Variants in LUC7L observed in about 807,000 individuals in gnomAD.
The protein encoded by LUC7L is LUC7 like.
Under a neutral mutation model 51.1 loss-of-function variants are expected in LUC7L, and 29 were observed. The observed-to-expected ratio is 0.57, with a 90% CI of 0.42 to 0.77. The LOEUF (loss-of-function observed/expected upper bound fraction) is 0.77. LUC7L is among the 30% of genes least tolerant of loss of function. The pLI is 0.00. For synonymous variants in LUC7L, 181 were observed against 180.7 expected, an observed-to-expected ratio of 1.00 and a Z score of -0.01; for missense variants, 403 against 511.9, an observed-to-expected ratio of 0.79 and a Z score of 2.05.
intron 1 of LUC7L, chr16:228,787 C>G (rs1167613243): frequency 1.2e-5 from 16 of 1,286,224 alleles, no homozygotes; most frequent in Non-Finnish European, 1.5e-5. Flanking sequence ...GGCAGAAACC[C>G]ACGTTAGAAA....
At chr16:195,830 T>A (rs2049134048) in intron 6 of LUC7L, among the ~76,000 whole-genome samples, 1 of 151,958 alleles carries the variant, frequency 6.6e-6, no homozygotes, top group African/African-American at 2.4e-5. Context: ...CTGGGACTAC[T>A]GTGAGTGAGG....
At chr16:205,612 CAG>C (rs775635813) in intron 5 of LUC7L, among the ~76,000 whole-genome samples, 14 of 152,070 alleles carry the variant, frequency 9.2e-5, no homozygotes, top group Non-Finnish European at 1.9e-4. Flanking sequence ...TTTTTTGAGA[CAG>C]AGTCTCGCTC....
At chr16:227,092 A>G in intron 2 of LUC7L, 150 bp downstream of exon 2, 1 of 634,020 alleles carries the variant, frequency 1.6e-6, no homozygotes, top group Non-Finnish European at 2.8e-6. Flanking sequence ...GCATGCAAAC[A>G]TACATACGAG....
At chr16:201,132 G>A (rs1161993151) in intron 5 of LUC7L, among the ~76,000 whole-genome samples, 1 of 127,026 alleles carries the variant, frequency 7.9e-6, no homozygotes, top group Non-Finnish European at 1.6e-5. Flanking sequence ...TCGCACCACA[G>A]CAATCCAGCC....
chr16:203,363 C>G (rs138696164), intron 5 of LUC7L, among the ~76,000 whole-genome samples: 1 of 152,104 alleles, frequency 6.6e-6, no homozygotes. Context: ...AGAGTATCTT[C>G]TAACTCCTTC....
At chr16:206,217 C>T (rs2049480469) in intron 4 of LUC7L, 70 bp from the exon 5 acceptor site, 3 of 1,448,092 alleles carry the variant, frequency 2.1e-6, no homozygotes, top group Non-Finnish European at 2.9e-6. Flanking sequence ...ACAAGGGTTT[C>T]TCCTGCTCCA....
chr16:211,390 G>A (rs1235053264), intron 3 of LUC7L, among the ~76,000 whole-genome samples: 4 of 151,004 alleles, frequency 2.6e-5, no homozygotes, highest in Admixed American at 6.6e-5. Context: ...CCTGGGAGGC[G>A]GAGGTTGCAG....
At chr16:198,539 T>C (rs2049227175) in intron 6 of LUC7L, among the ~76,000 whole-genome samples, 1 of 152,168 alleles carries the variant, frequency 6.6e-6, no homozygotes, top group Non-Finnish European at 1.5e-5. Flanking sequence ...GAACAGGCTC[T>C]GCCATTTTCT....
chr16:229,042 C>A (rs905402278), intron 1 of LUC7L: 2 of 1,421,324 alleles, frequency 1.4e-6, no homozygotes, highest in Admixed American at 5.7e-5. Context: ...AGGAAGGAGG[C>A]TGAAGCCCCA....
rs530920575 is a variant in LUC7L at position 212,811 on chromosome 16, TC to T, written c.256-4624del. Among the ~76,000 whole-genome samples, 701 of 151,818 alleles carry T rather than the reference TC, an allele frequency of 4.6e-3. 5 individuals carry two copies. The highest frequency in any genetic ancestry group is 0.016 in the African/African-American group (678 of 41,394). ...TTTTTTTTTCCCGAGAGGATCTTGC[TC>T]TGTCACCCAGGCTAGAATACAGTGG... On this transcript the variant is annotated intron_variant, in intron 3 of 9. Coordinates refer to ENST00000293872, the MANE Select transcript of LUC7L (RefSeq NM_201412.3).
intron 2 of LUC7L, among the ~76,000 whole-genome samples, chr16:224,658 C>T (rs1447188649): frequency 6.6e-6 from 1 of 151,678 alleles, no homozygotes; most frequent in Non-Finnish European, 1.5e-5. Flanking sequence ...GATGAAACCC[C>T]ATCTCTACTA....
intron 9 of LUC7L, 124 bp downstream of exon 9, chr16:189,844 C>T: frequency 1.4e-6 from 2 of 1,476,098 alleles, no homozygotes; most frequent in Non-Finnish European, 1.8e-6. Flanking sequence ...TTCACGACTC[C>T]CCAGCCCTAC....
chr16:208,048 A>G, intron 4 of LUC7L, 30 bp downstream of exon 4: 1 of 1,491,982 alleles, frequency 6.7e-7, no homozygotes. Context: ...TTTTAAGAAC[A>G]CACCAGACAC....
chr16:214,067 G>C (rs1354166068), intron 3 of LUC7L, among the ~76,000 whole-genome samples: 1 of 151,188 alleles, frequency 6.6e-6, no homozygotes, highest in African/African-American at 2.4e-5. Flanking sequence ...GTGTTCTCAT[G>C]AGCAATTGTT....
At position 220,933 on chromosome 16, in the gene LUC7L, C is replaced by T. The variant is rs573449938; in HGVS notation, c.157-186G>A. 4.6e-5 allele frequency among the ~76,000 whole-genome samples: 7 copies of T among 152,300 alleles called. No individual in the cohort carries two copies. In the South Asian group the frequency reaches 1.5e-3, roughly 32 times the overall value. On this transcript the variant is annotated intron_variant, in intron 2 of 9. Transcript: ENST00000293872. The stretch of plus-strand genomic sequence containing the variant: ...CATTTCACTTTTACCATCGTGACTA[C>T]GTGATACTTGAAACTGATGCATTTA...
intron 6 of LUC7L, among the ~76,000 whole-genome samples, chr16:194,995 T>C (rs962112983): frequency 6.6e-6 from 1 of 152,110 alleles, no homozygotes; most frequent in Non-Finnish European, 1.5e-5. Context: ...CCAGTGTGGA[T>C]GAGAGCACGC....
intron 3 of LUC7L, among the ~76,000 whole-genome samples, chr16:219,245 T>C (rs1223763077): frequency 6.6e-6 from 1 of 151,796 alleles, no homozygotes; most frequent in Non-Finnish European, 1.5e-5. Flanking sequence ...AAAAATGAGC[T>C]GGGCATGGTG....
rs571501411 is a variant in LUC7L at position 227,932 on chromosome 16, C to T, written c.62-596G>A. On this transcript the variant is annotated intron_variant, in intron 1 of 9. Coordinates refer to ENST00000293872, the MANE Select transcript of LUC7L (RefSeq NM_201412.3). The stretch of plus-strand genomic sequence containing the variant: ...TTTAACAAGACAATACCAAAAAAAG[C>T]AAAAAAGGAACTAGGTTAGTCAATA... 4 of 1,002,640 alleles carry T rather than the reference C, an allele frequency of 4.0e-6. No homozygotes were observed. The African/African-American group carries it at 5.2e-5, about 13-fold the overall frequency. 62.1% of individuals were successfully genotyped at this position (1,002,640 alleles called of 1,614,324 possible). A position where few individuals can be genotyped will look rare whatever the true frequency, so the allele number is the denominator to read the frequency against.
intron 1 of LUC7L, 140 bp from the exon 2 acceptor site, chr16:227,476 T>C: frequency 4.1e-6 from 6 of 1,461,128 alleles, no homozygotes; most frequent in Non-Finnish European, 5.4e-6. Context: ...AAAGCTGATC[T>C]AAAGATATTT....
Sources: allele counts gnomAD v4.1 joint callset (sites outside exome capture counted in the v4.1 genomes callset), GRCh38; gene constraint gnomAD v4.1.1; transcripts MANE v1.5; gene names NCBI Gene and HGNC (gene_info 2026-07-23, HGNC 2026-07-21).